Variants in CSMD1 observed in about 807,000 individuals in gnomAD.
CSMD1 encodes the protein CUB and sushi domain-containing protein 1.
CSMD1 carries 213 observed loss-of-function variants against 417.5 expected under a neutral mutation model. That is an observed-to-expected ratio of 0.51 (90% CI 0.46 to 0.57). CSMD1 has a LOEUF of 0.57. Ranked by LOEUF, CSMD1 falls within the 20% of genes least tolerant of loss-of-function variation. CSMD1 has a pLI of 0.00. For synonymous variants in CSMD1, 2,862 were observed against 1,736.8 expected, an observed-to-expected ratio of 1.65 and a Z score of -16.11; for missense variants, 6,923 against 4,529.7, an observed-to-expected ratio of 1.53 and a Z score of -15.17.
rs1303267199 is a variant in CSMD1 at position 3,930,620 on chromosome 8, C to T, written c.818+67283G>A. Among the ~76,000 whole-genome samples, 6 of 150,112 alleles carry T rather than the reference C, an allele frequency of 4.0e-5. 1 individual carries two copies. Among genetic ancestry groups the T allele is most frequent in the Non-Finnish European group, 8.9e-5 (6 of 67,500 alleles). Reference sequence around the variant, plus strand: ...AAACGGGACACAGCAGTAGGGTGGCCGTGTCAGGTTATAAGTGACCCTGTC... The same window carrying T: ...AAACGGGACACAGCAGTAGGGTGGCTGTGTCAGGTTATAAGTGACCCTGTC... On this transcript the variant is annotated intron_variant, in intron 5 of 69. Transcript: ENST00000635120.
At chr8:4,808,004 G>A (rs1318949456) in intron 1 of CSMD1, among the ~76,000 whole-genome samples, 1 of 152,192 alleles carries the variant, frequency 6.6e-6, no homozygotes, top group Non-Finnish European at 1.5e-5. Flanking sequence ...CAAATCTGTT[G>A]TGTATCCCAT....
rs777040766 is a variant in CSMD1, at chr8:4,549,896, CAAAAAAAAA to C, written c.302+87437_302+87445del. 5.6e-5 allele frequency among the ~76,000 whole-genome samples: 5 copies of C among 88,654 alleles called. No individual in the cohort carries two copies. The Admixed American group carries it at 6.9e-4, about 12-fold the overall frequency. 58.2% of individuals were successfully genotyped at this position (88,654 alleles called of 152,430 possible). ...AGAGTGACAATCTAAGACTTTGTCTCAAAAAAAAAAAAAAAAAAAAAAAAGAAAAGAAAA... is the reference window on the plus strand; with the variant it reads ...AGAGTGACAATCTAAGACTTTGTCTCAAAAAAAAAAAAAAAGAAAAGAAAA... On this transcript the variant is annotated intron_variant, in intron 2 of 69. Coordinates refer to ENST00000635120, the MANE Select transcript of CSMD1 (RefSeq NM_033225.6).
At chr8:3,943,190 C>T (rs1218000127) in intron 5 of CSMD1, among the ~76,000 whole-genome samples, 1 of 151,956 alleles carries the variant, frequency 6.6e-6, no homozygotes, top group South Asian at 2.1e-4. Flanking sequence ...GAGGATGTTT[C>T]CTGGTGTTCG....
intron 18 of CSMD1, among the ~76,000 whole-genome samples, chr8:3,370,703 G>A (rs538662664): frequency 6.6e-6 from 1 of 152,142 alleles, no homozygotes; most frequent in Admixed American, 6.5e-5. Context: ...GGCTGGGCAC[G>A]GTAGCTCACA....
chr8:3,274,559 G>C (rs1165654554), intron 26 of CSMD1, among the ~76,000 whole-genome samples: 2 of 152,142 alleles, frequency 1.3e-5, no homozygotes, highest in African/African-American at 4.8e-5. Flanking sequence ...ATGTGTGGGA[G>C]TCTAAGTCTC....
At position 4,310,875 on chromosome 8, in the gene CSMD1, C is replaced by A. The variant is rs1798523984; in HGVS notation, c.415+109078G>T. 2.6e-5 allele frequency among the ~76,000 whole-genome samples: 4 copies of A among 152,268 alleles called. No individual in the cohort carries two copies. The South Asian group carries it at 8.3e-4, about 32-fold the overall frequency. Reference sequence around the variant, plus strand: ...TGCCTTCTTCTCAAAAGAAAACTTACATGTGGCCAACAAGCATATGAAAAA... The same window carrying A: ...TGCCTTCTTCTCAAAAGAAAACTTAAATGTGGCCAACAAGCATATGAAAAA... On this transcript the variant is annotated intron_variant, in intron 3 of 69. Coordinates refer to ENST00000635120, the MANE Select transcript of CSMD1 (RefSeq NM_033225.6).
intron 3 of CSMD1, among the ~76,000 whole-genome samples, chr8:4,100,463 T>G (rs948194442): frequency 6.6e-6 from 1 of 152,306 alleles, no homozygotes. Flanking sequence ...TATCTCCAAA[T>G]GTTGCTTAAC....
chr8:4,847,759 G>C (rs897884215), intron 1 of CSMD1, among the ~76,000 whole-genome samples: 1 of 148,926 alleles, frequency 6.7e-6, no homozygotes, highest in East Asian at 2.0e-4. Flanking sequence ...GTCTTCTATA[G>C]AATTCCTCTC....
At chr8:3,850,330 C>G (rs1358476491) in intron 5 of CSMD1, among the ~76,000 whole-genome samples, 2 of 147,602 alleles carry the variant, frequency 1.4e-5, no homozygotes, top group African/African-American at 4.9e-5. Flanking sequence ...AGGGTCTCAC[C>G]CCTGACTCTT....
chr8:4,159,028 G>T (rs1414913884), intron 3 of CSMD1, among the ~76,000 whole-genome samples: 2 of 152,106 alleles, frequency 1.3e-5, no homozygotes, highest in African/African-American at 2.4e-5. Context: ...CGATTCTCCT[G>T]CCTCAGCCTC....
At chr8:4,188,139 C>G (rs1798792631) in intron 3 of CSMD1, among the ~76,000 whole-genome samples, 1 of 152,136 alleles carries the variant, frequency 6.6e-6, no homozygotes, top group South Asian at 2.1e-4. Context: ...GGTACTGCCA[C>G]ACACATCCTA....
At chr8:3,426,561 G>A (rs17322202) in intron 12 of CSMD1, among the ~76,000 whole-genome samples, 1 of 152,000 alleles carries the variant, frequency 6.6e-6, no homozygotes, top group African/African-American at 2.4e-5. Context: ...TAAACACCAG[G>A]ACAGATGAAG....
intron 12 of CSMD1, among the ~76,000 whole-genome samples, chr8:3,418,568 T>A (rs1031912495): frequency 2.6e-5 from 4 of 152,124 alleles, no homozygotes; most frequent in African/African-American, 9.7e-5. Flanking sequence ...ATAAAAGCAT[T>A]GATTTTGAGC....
intron 62 of CSMD1, among the ~76,000 whole-genome samples, chr8:2,959,036 T>G (rs1803246643): frequency 6.6e-6 from 1 of 152,224 alleles, no homozygotes; most frequent in South Asian, 2.1e-4. Flanking sequence ...GTCAAATCAA[T>G]AGCTAATTTA....
chr8:4,179,115 G>A (rs555119012), intron 3 of CSMD1, among the ~76,000 whole-genome samples: 18 of 152,166 alleles, frequency 1.2e-4, no homozygotes, highest in East Asian at 5.8e-4. Flanking sequence ...AGCCCGCATC[G>A]CCAAGTCAAT....
Position 4,363,575 on chromosome 8 carries a change from C to G in CSMD1, c.415+56378G>C, listed in dbSNP as rs1320445324. Reference sequence around the variant, plus strand: ...TACAGATTGTAGGAAACAGGAGCGCCATCTGCCTGGAGGACCCATTTCAAA... The same window carrying G: ...TACAGATTGTAGGAAACAGGAGCGCGATCTGCCTGGAGGACCCATTTCAAA... On this transcript the variant is annotated intron_variant, in intron 3 of 69. Coordinates refer to ENST00000635120, the MANE Select transcript of CSMD1 (RefSeq NM_033225.6). Among the ~76,000 whole-genome samples, 5 of 152,086 alleles carry G rather than the reference C, an allele frequency of 3.3e-5. No individual in the cohort carries two copies. In the East Asian group the frequency reaches 9.7e-4, roughly 29 times the overall value.
chr8:4,558,360 T>G (rs1341092528), intron 2 of CSMD1, among the ~76,000 whole-genome samples: 1 of 152,204 alleles, frequency 6.6e-6, no homozygotes, highest in African/African-American at 2.4e-5. Flanking sequence ...AGTATTATAT[T>G]ATGAAGCACC....
intron 23 of CSMD1, among the ~76,000 whole-genome samples, chr8:3,313,446 G>C (rs192728361): frequency 7.2e-4 from 109 of 152,270 alleles, no homozygotes; most frequent in African/African-American, 2.6e-3. Flanking sequence ...CAAAAAGTGG[G>C]TGAAGGATGT....
At chr8:4,106,129 A>G (rs1801555850) in intron 3 of CSMD1, among the ~76,000 whole-genome samples, 1 of 152,130 alleles carries the variant, frequency 6.6e-6, no homozygotes, top group Non-Finnish European at 1.5e-5. Context: ...GAAAGTGACC[A>G]TCGATTTATT....
Sources: gnomAD v4.1 joint callset for allele counts (sites outside exome capture counted in the v4.1 genomes callset) on GRCh38, gnomAD v4.1.1 for gene constraint, MANE v1.5 for transcripts, NCBI Gene and HGNC (gene_info 2026-07-23, HGNC 2026-07-21) for gene names.